CARMIL1: variants seen among roughly 807,000 people sequenced by gnomAD.
CARMIL1 encodes capping protein regulator and myosin 1 linker 1.
A neutral mutation model predicts 177.1 loss-of-function variants in CARMIL1; 90 were observed. The ratio of observed to expected loss-of-function variants is 0.51; its 90% CI spans 0.43 to 0.61. The LOEUF (loss-of-function observed/expected upper bound fraction) is 0.61, where lower values mean the gene tolerates loss of function less well. Ranked by LOEUF, CARMIL1 falls within the 20% of genes least tolerant of loss-of-function variation. The pLI, the probability that CARMIL1 is intolerant of heterozygous loss-of-function variation, is 0.00. For synonymous variants in CARMIL1, 577 were observed against 606.2 expected, an observed-to-expected ratio of 0.95 and a Z score of 0.71; for missense variants, 1,380 against 1,667.0, an observed-to-expected ratio of 0.83 and a Z score of 3.00.
chr6:25,426,456 C>A, intron 3 of CARMIL1, 45 bp from the exon 4 acceptor site: 17 of 1,356,044 alleles, frequency 1.3e-5, no homozygotes, highest in Non-Finnish European at 1.6e-5. Flanking sequence ...TTTTTTAAAA[C>A]CCTCATTGCA....
intron 2 of CARMIL1, among the ~76,000 whole-genome samples, chr6:25,347,686 TTTCCCTA>T (rs1787662157): frequency 6.6e-6 from 1 of 152,242 alleles, no homozygotes; most frequent in Non-Finnish European, 1.5e-5. Flanking sequence ...TTTACTCAGC[TTTCCCTA>T]ATGTTAACAT....
intron 2 of CARMIL1, among the ~76,000 whole-genome samples, chr6:25,382,040 A>G (rs538258455): frequency 8.1e-4 from 123 of 152,248 alleles, no homozygotes; most frequent in Non-Finnish European, 1.5e-3. Flanking sequence ...TCTCATTCCT[A>G]TTGCCCAGGA....
intron 5 of CARMIL1, among the ~76,000 whole-genome samples, chr6:25,445,507 C>T (rs1342341836): frequency 1.3e-5 from 2 of 150,960 alleles, no homozygotes; most frequent in Admixed American, 6.6e-5. Context: ...CTATCTATGG[C>T]TGCTTATATT....
At chr6:25,474,575 A>G (rs1317736618) in intron 11 of CARMIL1, among the ~76,000 whole-genome samples, 1 of 152,264 alleles carries the variant, frequency 6.6e-6, no homozygotes, top group Non-Finnish European at 1.5e-5. Flanking sequence ...GTGAATCTAC[A>G]GGAAGGTTGA....
chr6:25,354,299 TA>T (rs1788367296), intron 2 of CARMIL1, among the ~76,000 whole-genome samples: 1 of 151,418 alleles, frequency 6.6e-6, no homozygotes, highest in African/African-American at 2.4e-5. Flanking sequence ...GCTGGGACTA[TA>T]GTTGCGTAGC....
intron 8 of CARMIL1, chr6:25,451,985 T>TTGGGGG: frequency 9.5e-6 from 1 of 105,384 alleles, no homozygotes; most frequent in Non-Finnish European, 1.8e-5. Context: ...ACTAGCATCT[T>TTGGGGG]GCCCCCCCCT....
chr6:25,393,231 TATAA>T (rs919842185), intron 2 of CARMIL1, among the ~76,000 whole-genome samples: 2 of 152,170 alleles, frequency 1.3e-5, no homozygotes, highest in Non-Finnish European at 2.9e-5. Flanking sequence ...TTGTAAGACT[TATAA>T]ATAAAATTAT....
Position 25,578,604 on chromosome 6 carries a change from G to A in CARMIL1, c.2743-2320G>A, listed in dbSNP as rs576854056. Reference sequence around the variant, plus strand: ...AAAAATATGGGAGAAATGAGATTGAGTTTTTTTTTCTCTGTTGTTGCACTT... The same window carrying A: ...AAAAATATGGGAGAAATGAGATTGAATTTTTTTTTCTCTGTTGTTGCACTT... On this transcript the variant is annotated intron_variant, in intron 29 of 36. Coordinates refer to ENST00000329474, the MANE Select transcript of CARMIL1 (RefSeq NM_017640.6). 2.6e-5 allele frequency among the ~76,000 whole-genome samples: 4 copies of A among 151,466 alleles called. No homozygotes were observed. The South Asian group carries it at 6.3e-4, about 24-fold the overall frequency.
At chr6:25,334,625 T>C (rs931725452) in intron 2 of CARMIL1, among the ~76,000 whole-genome samples, 7 of 152,216 alleles carry the variant, frequency 4.6e-5, no homozygotes, top group Non-Finnish European at 8.8e-5. Flanking sequence ...GATATAATAG[T>C]TCTTATTAAT....
intron 29 of CARMIL1, among the ~76,000 whole-genome samples, chr6:25,578,981 T>C (rs1029165778): frequency 3.9e-5 from 6 of 152,188 alleles, no homozygotes; most frequent in African/African-American, 1.4e-4. Context: ...ATTTCGTGTG[T>C]TTCTTAATTA....
intron 31 of CARMIL1, among the ~76,000 whole-genome samples, chr6:25,586,631 C>G (rs1220466289): frequency 2.6e-5 from 4 of 152,052 alleles, no homozygotes; most frequent in South Asian, 2.1e-4. Context: ...TGTAGCGAGC[C>G]GAGATCACGC....
chr6:25,571,746 T>C (rs903842150), intron 29 of CARMIL1, among the ~76,000 whole-genome samples: 2 of 152,224 alleles, frequency 1.3e-5, no homozygotes, highest in Non-Finnish European at 2.9e-5. Flanking sequence ...GTATGTGGTA[T>C]TCATGCTAAA....
chr6:25,438,999 G>A (rs76551104), intron 5 of CARMIL1, among the ~76,000 whole-genome samples: 2,020 of 152,152 alleles, frequency 0.013, 53 homozygotes, highest in African/African-American at 0.046. Flanking sequence ...AAGAGAGAGG[G>A]TAGATGTAAG....
intron 2 of CARMIL1, among the ~76,000 whole-genome samples, chr6:25,291,365 G>A (rs1781950271): frequency 6.6e-6 from 1 of 151,998 alleles, no homozygotes; most frequent in Non-Finnish European, 1.5e-5. Context: ...TCATATAGAA[G>A]TTTTGGAAGT....
At chr6:25,536,248 A>G (rs1808292368) in intron 24 of CARMIL1, among the ~76,000 whole-genome samples, 1 of 152,164 alleles carries the variant, frequency 6.6e-6, no homozygotes, top group Non-Finnish European at 1.5e-5. Flanking sequence ...GATCAATACA[A>G]TAGTTAGAAG....
chr6:25,293,395 T>C lies in CARMIL1; in HGVS notation c.138+8486T>C, dbSNP rs540710829. Among the ~76,000 whole-genome samples, 6 of 151,960 alleles carry C rather than the reference T, an allele frequency of 3.9e-5. No individual in the cohort carries two copies. In the South Asian group the frequency reaches 1.3e-3, roughly 32 times the overall value. ...GTTTCTTAGGAGAAGGTTTTTCTTA[T>C]TTATTTTTGAGACAGTGTCTTGCTC... On this transcript the variant is annotated intron_variant, in intron 2 of 36. Transcript: ENST00000329474.
At chr6:25,334,418 T>G (rs1786008566) in intron 2 of CARMIL1, among the ~76,000 whole-genome samples, 1 of 152,246 alleles carries the variant, frequency 6.6e-6, no homozygotes, top group Non-Finnish European at 1.5e-5. Context: ...AATTGCTTTT[T>G]GGCTTTTATA....
At chr6:25,529,519 T>G (rs991595350) in intron 24 of CARMIL1, among the ~76,000 whole-genome samples, 11 of 152,080 alleles carry the variant, frequency 7.2e-5, no homozygotes, top group Admixed American at 7.2e-4. Context: ...AAACAATCTA[T>G]GTGTCAAAGA....
At chr6:25,389,321 T>G (rs1792504178) in intron 2 of CARMIL1, among the ~76,000 whole-genome samples, 1 of 152,144 alleles carries the variant, frequency 6.6e-6, no homozygotes, top group Admixed American at 6.5e-5. Context: ...TGCATAACTT[T>G]AAATCTTCTT....
Sources: allele counts gnomAD v4.1 joint callset (sites outside exome capture counted in the v4.1 genomes callset), GRCh38; gene constraint gnomAD v4.1.1; transcripts MANE v1.5; gene names NCBI Gene and HGNC (gene_info 2026-07-23, HGNC 2026-07-21).